The following MCU variants were observed in gnomAD, a reference collection of about 807,000 sequenced individuals.
The protein encoded by MCU is calcium uniporter protein, mitochondrial.
MCU carries 12 observed loss-of-function variants against 45.2 expected under a neutral mutation model. That is an observed-to-expected ratio of 0.27 (90% CI 0.17 to 0.43). The LOEUF (loss-of-function observed/expected upper bound fraction) is 0.43, where lower values mean the gene tolerates loss of function less well. MCU is among the 20% of genes least tolerant of loss of function. MCU has a pLI of 1.00. For missense variants in MCU, 324 were observed against 436.7 expected, an observed-to-expected ratio of 0.74 and a Z score of 2.30; for synonymous variants, 160 against 165.1, an observed-to-expected ratio of 0.97 and a Z score of 0.24.
chr10:72,767,483 TATTTA>T (rs552099964), intron 1 of MCU, among the ~76,000 whole-genome samples: 2 of 152,268 alleles, frequency 1.3e-5, no homozygotes, highest in East Asian at 1.9e-4. Context: ...AGCTCTTTTG[TATTTA>T]ATTTAATTTA....
At chr10:72,787,657 A>G (rs1844094658) in intron 1 of MCU, among the ~76,000 whole-genome samples, 1 of 152,114 alleles carries the variant, frequency 6.6e-6, no homozygotes, top group Non-Finnish European at 1.5e-5. Flanking sequence ...CTGCCTTGCC[A>G]ATTAGATTGT....
rs1222647964 is a variant in MCU, at chr10:72,880,214, A to G, written c.862-4052A>G. Among the ~76,000 whole-genome samples the G allele has an allele frequency of 2.0e-5, 3 of 152,246 alleles. No homozygotes were observed. The East Asian group carries it at 5.8e-4, about 29-fold the overall frequency. Reference sequence around the variant, plus strand: ...GGCCCTAGCCAGTGCAGAAGGCAAGAACAGAATATGAAAGATACAAAGATT... The same window carrying G: ...GGCCCTAGCCAGTGCAGAAGGCAAGGACAGAATATGAAAGATACAAAGATT... On this transcript the variant is annotated intron_variant, in intron 6 of 7. Coordinates refer to ENST00000373053, the MANE Select transcript of MCU (RefSeq NM_138357.3).
intron 1 of MCU, among the ~76,000 whole-genome samples, chr10:72,771,901 C>T (rs879394336): frequency 6.6e-6 from 1 of 152,186 alleles, no homozygotes; most frequent in Non-Finnish European, 1.5e-5. Context: ...AATCAGACTT[C>T]CACATCTTCA....
At chr10:72,876,965 A>G (rs1021778488) in intron 6 of MCU, among the ~76,000 whole-genome samples, 3 of 142,526 alleles carry the variant, frequency 2.1e-5, no homozygotes, top group African/African-American at 7.7e-5. Flanking sequence ...TCTGTCTCCT[A>G]GGCTAGAATG....
At chr10:72,862,859 GACCAGCCTGGGCAACACAGTAGCA>G (rs1167813158) in intron 4 of MCU, among the ~76,000 whole-genome samples, 5 of 151,008 alleles carry the variant, frequency 3.3e-5, no homozygotes, top group East Asian at 1.9e-4. Context: ...AGGAGTTTGG[GACCAGCCTGGGCAACACAGTAGCA>G]ACCAGCCTGG....
At chr10:72,722,999 A>G (rs1843044706) in intron 1 of MCU, among the ~76,000 whole-genome samples, 1 of 151,976 alleles carries the variant, frequency 6.6e-6, no homozygotes, top group Non-Finnish European at 1.5e-5. Context: ...GATCAAGACC[A>G]TCCTGGCTAA....
intron 1 of MCU, among the ~76,000 whole-genome samples, chr10:72,759,802 TAAG>T (rs1843629463): frequency 1.3e-5 from 2 of 152,272 alleles, no homozygotes; most frequent in Non-Finnish European, 2.9e-5. Context: ...GGTGCCTGTT[TAAG>T]AAGAAGACAT....
At chr10:72,778,476 A>G (rs1470999367) in intron 1 of MCU, among the ~76,000 whole-genome samples, 2 of 152,118 alleles carry the variant, frequency 1.3e-5, no homozygotes, top group African/African-American at 2.4e-5. Context: ...TAAAAAGTGG[A>G]TCTCATGAAG....
intron 2 of MCU, among the ~76,000 whole-genome samples, chr10:72,839,708 C>T (rs1845017259): frequency 6.6e-6 from 1 of 151,288 alleles, no homozygotes; most frequent in South Asian, 2.1e-4. Flanking sequence ...AATCCCAGCA[C>T]TTTGGGAGGC....
chr10:72,736,953 A>C (rs987808060), intron 1 of MCU, among the ~76,000 whole-genome samples: 1 of 152,242 alleles, frequency 6.6e-6, no homozygotes, highest in Admixed American at 6.5e-5. Context: ...GTCGCTTTCA[A>C]TGTTTAAAAA....
intron 1 of MCU, among the ~76,000 whole-genome samples, chr10:72,808,272 A>G (rs927556203): frequency 4.6e-5 from 7 of 152,240 alleles, no homozygotes; most frequent in African/African-American, 1.7e-4. Context: ...GATTCAAGTA[A>G]ATGTTTGCCC....
At chr10:72,708,118 T>C (rs899913914) in intron 1 of MCU, among the ~76,000 whole-genome samples, 1 of 152,234 alleles carries the variant, frequency 6.6e-6, no homozygotes, top group African/African-American at 2.4e-5. Flanking sequence ...GCCAAGAGCT[T>C]GAAATGAAGA....
At chr10:72,693,301 C>T (rs1388116768) in intron 1 of MCU, among the ~76,000 whole-genome samples, 1 of 151,862 alleles carries the variant, frequency 6.6e-6, no homozygotes, top group Non-Finnish European at 1.5e-5. Flanking sequence ...GGTTTCCTTC[C>T]CTTGGACTTT....
intron 1 of MCU, among the ~76,000 whole-genome samples, chr10:72,786,132 A>T (rs531958587): frequency 6.6e-6 from 1 of 152,256 alleles, no homozygotes; most frequent in Admixed American, 6.5e-5. Flanking sequence ...TGTGAGATTG[A>T]TGTCCAGAGA....
chr10:72,877,460 A>G (rs960271593), intron 6 of MCU, among the ~76,000 whole-genome samples: 19 of 152,304 alleles, frequency 1.2e-4, no homozygotes, highest in African/African-American at 4.3e-4. Context: ...TCATTTTAAA[A>G]AGGCTTCCAC....
intron 6 of MCU, among the ~76,000 whole-genome samples, chr10:72,878,148 C>G (rs915397896): frequency 7.9e-6 from 1 of 126,606 alleles, no homozygotes; most frequent in African/African-American, 3.4e-5. Context: ...AGACAGAGTC[C>G]TACTCTGTTG....
chr10:72,741,991 C>T (rs1461773323), intron 1 of MCU, among the ~76,000 whole-genome samples: 2 of 146,304 alleles, frequency 1.4e-5, no homozygotes, highest in Non-Finnish European at 3.0e-5. Flanking sequence ...TCACTGCCCT[C>T]CAGCCTGGGC....
chr10:72,847,812 C>T (rs1297487593), intron 2 of MCU, among the ~76,000 whole-genome samples: 1 of 152,132 alleles, frequency 6.6e-6, no homozygotes, highest in African/African-American at 2.4e-5. Flanking sequence ...TCTGGCTTGA[C>T]TGAGGCCGGA....
chr10:72,829,547 G>A (rs928640735), intron 1 of MCU, among the ~76,000 whole-genome samples: 5 of 149,090 alleles, frequency 3.4e-5, no homozygotes, highest in Non-Finnish European at 7.4e-5. Context: ...TTAACTTCTT[G>A]ATATATTTTT....
Sources: allele counts gnomAD v4.1 joint callset (sites outside exome capture counted in the v4.1 genomes callset), GRCh38; gene constraint gnomAD v4.1.1; transcripts MANE v1.5; gene names NCBI Gene and HGNC (gene_info 2026-07-23, HGNC 2026-07-21).